CCDC102B: variants seen among roughly 807,000 people sequenced by gnomAD.
The protein encoded by CCDC102B is coiled-coil domain-containing protein 102B.
Under a neutral mutation model 57.4 loss-of-function variants are expected in CCDC102B, and 75 were observed. The observed-to-expected ratio is 1.31, with a 90% CI of 1.08 to 1.58. The LOEUF (loss-of-function observed/expected upper bound fraction) is 1.58. Ranked by LOEUF, CCDC102B falls within the 40% of genes most tolerant of loss-of-function variation. The pLI is 0.00. For missense variants in CCDC102B, 636 were observed against 582.6 expected, an observed-to-expected ratio of 1.09 and a Z score of -0.94; for synonymous variants, 206 against 201.9, an observed-to-expected ratio of 1.02 and a Z score of -0.17.
intron 2 of CCDC102B, among the ~76,000 whole-genome samples, chr18:68,776,468 G>T (rs1025438027): frequency 6.6e-6 from 1 of 152,078 alleles, no homozygotes; most frequent in Non-Finnish European, 1.5e-5. Flanking sequence ...TATACACCAC[G>T]GAATACCATG....
At chr18:69,031,364 T>C (rs1209442718) in intron 7 of CCDC102B, among the ~76,000 whole-genome samples, 1 of 152,106 alleles carries the variant, frequency 6.6e-6, no homozygotes, top group Non-Finnish European at 1.5e-5. Flanking sequence ...TCATAAAACT[T>C]ACTTATTTTC....
chr18:68,941,639 A>G (rs1368971077), intron 6 of CCDC102B, among the ~76,000 whole-genome samples: 1 of 152,156 alleles, frequency 6.6e-6, no homozygotes, highest in Non-Finnish European at 1.5e-5. Context: ...ATTCAAATAA[A>G]TGCCCAGCAT....
chr18:68,888,943 T>G (rs1175896228), intron 5 of CCDC102B, among the ~76,000 whole-genome samples: 2 of 152,092 alleles, frequency 1.3e-5, no homozygotes, highest in East Asian at 3.9e-4. Flanking sequence ...TTATGTAAAT[T>G]TATTATAATT....
At chr18:69,036,276 C>A (rs920856541) in intron 7 of CCDC102B, among the ~76,000 whole-genome samples, 2 of 151,916 alleles carry the variant, frequency 1.3e-5, no homozygotes, top group African/African-American at 4.8e-5. Flanking sequence ...TCATTGTCCC[C>A]AAATTATGAA....
chr18:68,738,250 C>T (rs537378527), intron 2 of CCDC102B, among the ~76,000 whole-genome samples: 1 of 152,184 alleles, frequency 6.6e-6, no homozygotes, highest in East Asian at 1.9e-4. Context: ...TGATCGTATG[C>T]AGGATCCTAT....
intron 2 of CCDC102B, among the ~76,000 whole-genome samples, chr18:68,790,904 A>G (rs1023381610): frequency 1.1e-4 from 17 of 152,246 alleles, no homozygotes; most frequent in Non-Finnish European, 2.2e-4. Flanking sequence ...TTTATGGCCA[A>G]AAATGACAAT....
At chr18:68,860,469 C>CA (rs1161142158) in intron 4 of CCDC102B, among the ~76,000 whole-genome samples, 3 of 63,176 alleles carry the variant, frequency 4.7e-5, no homozygotes, top group African/African-American at 8.9e-5. Flanking sequence ...AAAACAAAAA[C>CA]AAAAACAAAA....
intron 2 of CCDC102B, among the ~76,000 whole-genome samples, chr18:68,746,199 A>G (rs1599400472): frequency 6.6e-6 from 1 of 152,336 alleles, no homozygotes; most frequent in East Asian, 1.9e-4. Flanking sequence ...TATTACTGCC[A>G]CATTAAGAGC....
intron 2 of CCDC102B, among the ~76,000 whole-genome samples, chr18:68,722,234 A>C (rs1301322574): frequency 6.6e-6 from 1 of 152,224 alleles, no homozygotes. Context: ...GGAGAAATCC[A>C]TCCTGACTGG....
chr18:68,830,861 TTGGCAGGCGAAGCACCATA>T (rs1347650444), intron 1 of CCDC102B, among the ~76,000 whole-genome samples: 2 of 151,940 alleles, frequency 1.3e-5, no homozygotes, highest in Non-Finnish European at 2.9e-5. Flanking sequence ...AAATTTGTAC[TTGGCAGGCGAAGCACCATA>T]AAGGCTTCAA....
chr18:68,888,763 T>C (rs151068589), intron 5 of CCDC102B, among the ~76,000 whole-genome samples: 46 of 152,316 alleles, frequency 3.0e-4, no homozygotes, highest in African/African-American at 1.1e-3. Context: ...GTTCAGCTAT[T>C]ACCCATGCTA....
intron 6 of CCDC102B, among the ~76,000 whole-genome samples, chr18:68,899,112 TGAG>T (rs1599655408): frequency 4.9e-3 from 1 of 204 alleles, no homozygotes; most frequent in East Asian, 0.12. Flanking sequence ...ATTTTGATGG[TGAG>T]GGTGGTGGTT....
chr18:69,004,984 A>G (rs1568118696), intron 6 of CCDC102B, among the ~76,000 whole-genome samples: 1 of 152,246 alleles, frequency 6.6e-6, no homozygotes, highest in Admixed American at 6.5e-5. Flanking sequence ...ATAAATGTTT[A>G]TGAATAACAT....
intron 6 of CCDC102B, among the ~76,000 whole-genome samples, chr18:68,911,299 G>C (rs2040836516): frequency 6.6e-6 from 1 of 152,210 alleles, no homozygotes; most frequent in African/African-American, 2.4e-5. Flanking sequence ...CATGAATAGT[G>C]TGGAGGCTAT....
intron 2 of CCDC102B, among the ~76,000 whole-genome samples, chr18:68,751,357 A>G (rs187901004): frequency 6.6e-5 from 10 of 152,122 alleles, no homozygotes; most frequent in Non-Finnish European, 1.0e-4. Context: ...ACCATAACTC[A>G]TGCCTGAATG....
chr18:69,046,981 C>A (rs1205767300), intron 7 of CCDC102B, among the ~76,000 whole-genome samples: 1 of 152,102 alleles, frequency 6.6e-6, no homozygotes, highest in African/African-American at 2.4e-5. Context: ...CAGTACCATG[C>A]TGTTTTGGTT....
At chr18:68,788,348 C>T (rs2035292342) in intron 2 of CCDC102B, among the ~76,000 whole-genome samples, 1 of 149,556 alleles carries the variant, frequency 6.7e-6, no homozygotes, top group African/African-American at 2.4e-5. Context: ...ATTAGGTCCG[C>T]TTGGTGCAGA....
intron 2 of CCDC102B, among the ~76,000 whole-genome samples, chr18:68,737,139 T>A (rs2033167655): frequency 6.6e-6 from 1 of 151,986 alleles, no homozygotes; most frequent in African/African-American, 2.4e-5. Context: ...GGGTGATTTT[T>A]CTTGAGAAGG....
chr18:68,773,212 T>C (rs2034699288), intron 2 of CCDC102B, among the ~76,000 whole-genome samples: 1 of 152,076 alleles, frequency 6.6e-6, no homozygotes, highest in Non-Finnish European at 1.5e-5. Context: ...ATTGAGTTCC[T>C]TCTTTTAGAG....
Sources: gnomAD v4.1 joint callset for allele counts (sites outside exome capture counted in the v4.1 genomes callset) on GRCh38, gnomAD v4.1.1 for gene constraint, MANE v1.5 for transcripts, NCBI Gene and HGNC (gene_info 2026-07-23, HGNC 2026-07-21) for gene names.